Variants in TMIGD3 observed in about 807,000 individuals in gnomAD.
The protein encoded by TMIGD3 is transmembrane and immunoglobulin domain containing 3.
A neutral mutation model predicts 28.1 loss-of-function variants in TMIGD3; 21 were observed. The observed-to-expected ratio is 0.75, with a 90% CI of 0.53 to 1.08. TMIGD3 has a LOEUF of 1.08. Ranked by LOEUF, TMIGD3 falls within the 50% of genes least tolerant of loss-of-function variation. The probability of loss-of-function intolerance (pLI) is 0.00; values close to 1 mark genes in which losing one functional copy is unlikely to be tolerated. For synonymous variants in TMIGD3, 151 were observed against 162.1 expected (o/e 0.93, Z 0.52); for missense variants, 416 against 435.6 (o/e 0.96, Z 0.40).
At chr1:111,531,401 G>A (rs1656455809) in intron 1 of TMIGD3, among the ~76,000 whole-genome samples, 1 of 152,018 alleles carries the variant, frequency 6.6e-6, no homozygotes, top group East Asian at 1.9e-4. Flanking sequence ...TCTGCTGGAT[G>A]TTAAATCTCA....
chr1:111,508,695 T>C (rs937564369), intron 1 of TMIGD3, among the ~76,000 whole-genome samples: 2 of 152,190 alleles, frequency 1.3e-5, no homozygotes, highest in Non-Finnish European at 2.9e-5. Flanking sequence ...AGTATTTGTG[T>C]TTTGCTTTGT....
intron 1 of TMIGD3, among the ~76,000 whole-genome samples, chr1:111,523,742 C>A (rs1036541147): frequency 5.3e-5 from 8 of 151,954 alleles, no homozygotes; most frequent in Non-Finnish European, 1.0e-4. Flanking sequence ...AATTTCTTGG[C>A]ATAAAATTGT....
chr1:111,501,657 G>A (rs376560928), intron 1 of TMIGD3, among the ~76,000 whole-genome samples: 1 of 152,074 alleles, frequency 6.6e-6, no homozygotes, highest in Non-Finnish European at 1.5e-5. Context: ...AGAAGTGGTG[G>A]GGCTAAAACT....
At chr1:111,498,091 C>T (rs1454090039) in intron 1 of TMIGD3, among the ~76,000 whole-genome samples, 1 of 152,126 alleles carries the variant, frequency 6.6e-6, no homozygotes, top group African/African-American at 2.4e-5. Flanking sequence ...TTCTTGATTC[C>T]TGGGCTGACA....
At chr1:111,500,176 A>T (rs768146025) in intron 1 of TMIGD3, 1 of 1,614,222 alleles carries the variant, frequency 6.2e-7, no homozygotes, top group Non-Finnish European at 8.5e-7. Flanking sequence ...AGATAAAGGC[A>T]GCCATGACAG....
intron 3 of TMIGD3, 87 bp downstream of exon 3, chr1:111,488,590 G>T: frequency 1.6e-6 from 2 of 1,238,924 alleles, no homozygotes; most frequent in South Asian, 2.8e-5. Context: ...CTGAGTTGGG[G>T]CTCACTGGCT....
At chr1:111,485,650 G>T (rs2101781649) in intron 5 of TMIGD3, 90 bp downstream of exon 5, 1 of 1,012,660 alleles carries the variant, frequency 9.9e-7, no homozygotes, top group Non-Finnish European at 1.5e-6. Flanking sequence ...ATATGAAGAG[G>T]CTCTCATTCA....
chr1:111,557,994 G>GA (rs1243746296), intron 1 of TMIGD3, among the ~76,000 whole-genome samples: 1 of 151,846 alleles, frequency 6.6e-6, no homozygotes, highest in Non-Finnish European at 1.5e-5. Flanking sequence ...TATTAAAGGG[G>GA]AAAAAATTGA....
chr1:111,531,114 C>CA (rs1211629402), intron 1 of TMIGD3, among the ~76,000 whole-genome samples: 1 of 152,044 alleles, frequency 6.6e-6, no homozygotes, highest in Admixed American at 6.6e-5. Context: ...TTCGTCTCTA[C>CA]AAAAAATGCA....
At chr1:111,490,525 T>C (rs1654605496) in intron 2 of TMIGD3, 131 bp downstream of exon 2, 4 of 647,502 alleles carry the variant, frequency 6.2e-6, no homozygotes, top group Non-Finnish European at 8.1e-6. Flanking sequence ...CATCGCCTTT[T>C]ATTTTCCCAT....
intron 1 of TMIGD3, among the ~76,000 whole-genome samples, chr1:111,557,427 G>A (rs752453100): frequency 2.6e-5 from 4 of 151,952 alleles, no homozygotes; most frequent in Non-Finnish European, 5.9e-5. Context: ...GGACCCGCCT[G>A]TAGTCCCAGC....
chr1:111,503,777 T>C, upstream of TMIGD3: 3 of 1,016,692 alleles, frequency 3.0e-6, no homozygotes, highest in East Asian at 1.7e-4. Context: ...CAAGAGGAAG[T>C]ACAGAGCTCA....
rs868338440 is a variant in TMIGD3 at position 111,529,486 on chromosome 1, T to C, written c.107+34360A>G. ...GCAGATAAACAAGTGAACAAAGGTC[T>C]CTGGTTTTCCTAGGCAGAGGACCCT... On this transcript the variant is annotated intron_variant, in intron 1 of 5. Transcript: ENST00000369717. Among the ~76,000 whole-genome samples, 1,355 of 149,804 alleles carry C rather than the reference T, an allele frequency of 9.0e-3. 19 individuals are homozygous for C. Among genetic ancestry groups the C allele is most frequent in the African/African-American group, 0.031 (1,272 of 40,528 alleles).
rs777337161 is a variant in TMIGD3, at chr1:111,488,859, T to C, written c.623A>G (p.His208Arg). 1 of 1,614,030 alleles carries C rather than the reference T, an allele frequency of 6.2e-7. No homozygotes were observed. Among genetic ancestry groups the C allele is most frequent in the African/African-American group, 1.3e-5 (1 of 74,896 alleles). Reference sequence around the variant, plus strand: ...GTTCCCTGTGTCCCTCAGGGCCACATGATTGGTGCTGTTAGGGGAGAAGGC... The same window carrying C: ...GTTCCCTGTGTCCCTCAGGGCCACACGATTGGTGCTGTTAGGGGAGAAGGC... ...IIAFSPNSTN[H>R]VALRDTGNQL... Residue 208 changes from histidine (H) to arginine (R), a missense_variant, in exon 3 of 6, where the codon CAT becomes CGT. By Grantham distance (29) the His-to-Arg change is conservative (BLOSUM62 0). Coordinates refer to ENST00000369716, the MANE Select transcript of TMIGD3 (RefSeq NM_020683.7).
In TMIGD3 at chr1:111,485,597, C is replaced by T. The variant is rs903601616; in HGVS notation, c.973+143G>A. ...TTGTCACCATCAAGCAGATATCTAC[C>T]CCAGCCCATGGCTGGCTGCATTGGT... On this transcript the variant is annotated intron_variant, in intron 5 of 5. Transcript: ENST00000369716. 10 of 627,600 alleles carry T rather than the reference C, an allele frequency of 1.6e-5. 1 individual carries two copies. Among genetic ancestry groups the T allele is most frequent in the African/African-American group, 1.5e-4 (8 of 53,734 alleles). 38.9% of individuals were successfully genotyped at this position (627,600 alleles called of 1,614,324 possible). A position where few individuals can be genotyped will look rare whatever the true frequency, so the allele number is the denominator to read the frequency against.
intron 1 of TMIGD3, among the ~76,000 whole-genome samples, chr1:111,556,821 T>C: frequency 6.6e-6 from 1 of 152,128 alleles, no homozygotes; most frequent in Non-Finnish European, 1.5e-5. Flanking sequence ...TGAATGGTAG[T>C]AATGATTGCA....
At chr1:111,513,723 C>T (rs979167797) in intron 1 of TMIGD3, among the ~76,000 whole-genome samples, 5 of 152,162 alleles carry the variant, frequency 3.3e-5, no homozygotes, top group African/African-American at 4.8e-5. Flanking sequence ...CATCCTATGC[C>T]CCCTCCCTCC....
upstream of TMIGD3, among the ~76,000 whole-genome samples, chr1:111,506,806 C>G (rs1333376063): frequency 6.6e-6 from 1 of 151,612 alleles, no homozygotes; most frequent in Non-Finnish European, 1.5e-5. Context: ...GAGCAGGTCG[C>G]TGGTAAGGCT....
intron 5 of TMIGD3, 166 bp downstream of exon 5, chr1:111,485,574 G>C: frequency 1.8e-6 from 1 of 561,318 alleles, no homozygotes; most frequent in Non-Finnish European, 3.2e-6. Context: ...GTGATGCCTT[G>C]TCACCATCAA....
Sources: gnomAD v4.1 joint callset for allele counts (sites outside exome capture counted in the v4.1 genomes callset) on GRCh38, gnomAD v4.1.1 for gene constraint, MANE v1.5 for transcripts, NCBI Gene and HGNC (gene_info 2026-07-23, HGNC 2026-07-21) for gene names.